LMX1A: variants seen among roughly 807,000 people sequenced by gnomAD.
LMX1A encodes the protein LIM homeobox transcription factor 1-alpha.
LMX1A carries 15 observed loss-of-function variants against 49.1 expected under a neutral mutation model. The ratio of observed to expected loss-of-function variants is 0.31; its 90% confidence interval spans 0.20 to 0.47. The LOEUF is 0.47. Among genes scored for constraint, LMX1A ranks in the 20% least tolerant of loss-of-function variants. LMX1A has a pLI of 1.00. For synonymous variants in LMX1A, 167 were observed against 185.7 expected, an observed-to-expected ratio of 0.90 and a Z score of 0.82; for missense variants, 372 against 475.8, an observed-to-expected ratio of 0.78 and a Z score of 2.03.
At position 165,202,462 on chromosome 1, in the gene LMX1A, C is replaced by T. The variant is rs1389147700; in HGVS notation, c.*1418G>A. 1 of 152,250 alleles carries T rather than the reference C, an allele frequency of 6.6e-6. No individual in the cohort carries two copies. Among genetic ancestry groups the T allele is most frequent in the Non-Finnish European group, 1.5e-5 (1 of 68,010 alleles). The allele number at this position is 152,250 out of a possible 1,614,324, so 9.4% of individuals were successfully genotyped here. ...CCATGAGGTTCTTTAGAAACAGACC[C>T]TCTAAAACAAGGGGCCCCAAACTTT... is the stretch of plus-strand genomic sequence containing the variant. On this transcript the variant is annotated 3_prime_UTR_variant, in exon 9 of 9. Transcript: ENST00000342310.
At chr1:165,349,746 A>AT (rs1378290703) in intron 3 of LMX1A, among the ~76,000 whole-genome samples, 2 of 152,116 alleles carry the variant, frequency 1.3e-5, no homozygotes, top group African/African-American at 2.4e-5. Flanking sequence ...TGTCAATTCT[A>AT]TTTTTTTAAT....
intron 3 of LMX1A, among the ~76,000 whole-genome samples, chr1:165,262,717 T>C (rs1415969308): frequency 6.6e-6 from 1 of 152,192 alleles, no homozygotes; most frequent in African/African-American, 2.4e-5. Context: ...AAATATGTTT[T>C]ACAATATTTT....
chr1:165,287,510 T>C (rs1253551931), intron 3 of LMX1A, among the ~76,000 whole-genome samples: 2 of 152,256 alleles, frequency 1.3e-5, no homozygotes, highest in East Asian at 3.9e-4. Context: ...TGTTCCTTTG[T>C]GTCCCAGAGC....
At chr1:165,317,017 CT>C (rs1469361625) in intron 3 of LMX1A, among the ~76,000 whole-genome samples, 1 of 152,170 alleles carries the variant, frequency 6.6e-6, no homozygotes, top group African/African-American at 2.4e-5. Context: ...GGAACTGATA[CT>C]TGTAAATGGC....
At chr1:165,268,937 A>G (rs1025420620) in intron 3 of LMX1A, among the ~76,000 whole-genome samples, 1 of 152,248 alleles carries the variant, frequency 6.6e-6, no homozygotes, top group South Asian at 2.1e-4. Context: ...TACTTTCTAT[A>G]CACTGGAACC....
intron 3 of LMX1A, among the ~76,000 whole-genome samples, chr1:165,305,823 AG>A (rs1241318145): frequency 6.6e-6 from 1 of 152,166 alleles, no homozygotes; most frequent in Non-Finnish European, 1.5e-5. Context: ...CTCCAGAGTT[AG>A]GGCCAATGAG....
chr1:165,279,580 T>G (rs953534041), intron 3 of LMX1A, among the ~76,000 whole-genome samples: 1 of 152,236 alleles, frequency 6.6e-6, no homozygotes, highest in Non-Finnish European at 1.5e-5. Context: ...AGCTTCCTTA[T>G]GCCTCTGTTT....
intron 8 of LMX1A, among the ~76,000 whole-genome samples, chr1:165,205,596 C>T (rs141485931): frequency 2.0e-4 from 30 of 152,296 alleles, no homozygotes; most frequent in African/African-American, 7.0e-4. Flanking sequence ...TGACAACAAA[C>T]AGGTCTACAA....
chr1:165,300,132 C>A (rs2101723773), intron 3 of LMX1A, among the ~76,000 whole-genome samples: 1 of 152,274 alleles, frequency 6.6e-6, no homozygotes, highest in Admixed American at 6.5e-5. Context: ...ACGAGTGGTC[C>A]CAGGTCAACT....
At chr1:165,241,360 C>T (rs1011926028) in intron 4 of LMX1A, among the ~76,000 whole-genome samples, 1 of 152,234 alleles carries the variant, frequency 6.6e-6, no homozygotes, top group African/African-American at 2.4e-5. Context: ...CTGGCTCTCA[C>T]ACTAGGAGAT....
At chr1:165,292,222 A>G (rs185781163) in intron 3 of LMX1A, among the ~76,000 whole-genome samples, 1 of 152,320 alleles carries the variant, frequency 6.6e-6, no homozygotes, top group Admixed American at 6.5e-5. Context: ...TCATGTTCCA[A>G]TAGGATGCTA....
At chr1:165,228,492 A>T (rs963354270) in intron 4 of LMX1A, among the ~76,000 whole-genome samples, 2 of 152,210 alleles carry the variant, frequency 1.3e-5, no homozygotes, top group African/African-American at 4.8e-5. Flanking sequence ...TCTTCTCCCC[A>T]GGCTGGCCCC....
In LMX1A at chr1:165,294,292, G is replaced by T. The variant is rs1417886344; in HGVS notation, c.264-44652C>A. 2.6e-5 allele frequency among the ~76,000 whole-genome samples: 4 copies of T among 152,264 alleles called. No homozygotes were observed. In the East Asian group the frequency reaches 7.7e-4, roughly 29 times the overall value. ...TCACACACAGTATTTTCAAGTGGCTGTGACTCCAGTGGTTGCACTAACTCA... is the reference window on the plus strand; with the variant it reads ...TCACACACAGTATTTTCAAGTGGCTTTGACTCCAGTGGTTGCACTAACTCA... On this transcript the variant is annotated intron_variant, in intron 3 of 8. Transcript: ENST00000342310.
At chr1:165,305,024 C>A (rs1654883699) in intron 3 of LMX1A, among the ~76,000 whole-genome samples, 1 of 152,200 alleles carries the variant, frequency 6.6e-6, no homozygotes, top group Non-Finnish European at 1.5e-5. Flanking sequence ...TTATAAGGAT[C>A]TCTATTCCTT....
chr1:165,301,136 C>T (rs1654762061), intron 3 of LMX1A, among the ~76,000 whole-genome samples: 1 of 150,122 alleles, frequency 6.7e-6, no homozygotes, highest in Non-Finnish European at 1.5e-5. Flanking sequence ...CTGGTGAGAA[C>T]CCGTGGGGCA....
chr1:165,311,342 G>C (rs1389998530), intron 3 of LMX1A, among the ~76,000 whole-genome samples: 1 of 152,218 alleles, frequency 6.6e-6, no homozygotes, highest in East Asian at 1.9e-4. Flanking sequence ...CACATTCCCA[G>C]CTTTATGTGG....
chr1:165,355,798 T>A lies in LMX1A; in HGVS notation c.-22-217A>T, dbSNP rs1656589167. The A allele has an allele frequency of 9.0e-6, 5 of 556,332 alleles. No homozygotes were observed. Among genetic ancestry groups the A allele is most frequent in the Non-Finnish European group, 1.3e-5 (4 of 312,394 alleles). 34.5% of individuals were successfully genotyped at this position (556,332 alleles called of 1,614,324 possible). On this transcript the variant is annotated intron_variant, in intron 1 of 8. Coordinates refer to ENST00000342310, the MANE Select transcript of LMX1A (RefSeq NM_177398.4). The surrounding 1 kb of genome is among the most constrained non-coding windows in gnomAD (Gnocchi z 4.7). ...GATTTCACTTGAAGTCAACACGTTA[T>A]GTACTTAGGCCTCCGCCCCCCAACT...
At chr1:165,335,720 C>A (rs1042887660) in intron 3 of LMX1A, among the ~76,000 whole-genome samples, 1 of 152,068 alleles carries the variant, frequency 6.6e-6, no homozygotes, top group Admixed American at 6.6e-5. Context: ...TTAAGTTCAT[C>A]AGTCAGTTTG....
At chr1:165,347,253 C>T (rs893443765) in intron 3 of LMX1A, among the ~76,000 whole-genome samples, 1 of 152,224 alleles carries the variant, frequency 6.6e-6, no homozygotes, top group Non-Finnish European at 1.5e-5. Flanking sequence ...CTTTTCTACA[C>T]TTTGCTCTCA....
Sources: allele counts gnomAD v4.1 joint callset (sites outside exome capture counted in the v4.1 genomes callset), GRCh38; gene constraint gnomAD v4.1.1; non-coding constraint Gnocchi (gnomAD v3.1); transcripts MANE v1.5; gene names NCBI Gene and HGNC (gene_info 2026-07-23, HGNC 2026-07-21).